The following GRHL3 variants were observed in gnomAD, a reference collection of about 807,000 sequenced individuals.
GRHL3 encodes the protein grainyhead-like protein 3 homolog.
In GRHL3, 20 loss-of-function variants were observed where a neutral mutation model predicts 70.3. The ratio of observed to expected loss-of-function variants is 0.28; its 90% CI spans 0.20 to 0.41. The LOEUF (loss-of-function observed/expected upper bound fraction) is 0.41, where lower values mean the gene tolerates loss of function less well. Ranked by LOEUF, GRHL3 falls within the 10% of genes least tolerant of loss-of-function variation. The pLI, the probability that GRHL3 is intolerant of heterozygous loss-of-function variation, is 1.00. For missense variants in GRHL3, 637 were observed against 762.3 expected, an observed-to-expected ratio of 0.84 and a Z score of 1.94; for synonymous variants, 299 against 299.9, an observed-to-expected ratio of 1.00 and a Z score of 0.03.
rs143616544 is a variant in GRHL3, at chr1:24,344,600, G to A, written c.1420-297G>A. Among the ~76,000 whole-genome samples the A allele has an allele frequency of 3.0e-3, 460 of 151,924 alleles. 1 individual carries two copies. Among genetic ancestry groups the A allele is most frequent in the African/African-American group, 0.01 (428 of 41,396 alleles). On this transcript the variant is annotated intron_variant, in intron 11 of 15. Coordinates refer to ENST00000361548, the MANE Select transcript of GRHL3 (RefSeq NM_198173.3). The stretch of plus-strand genomic sequence containing the variant: ...CCATCTGCAATTCCCAGCCCTTCTG[G>A]GCATGCTGGGGCCCAGGTGGGGCTC...
In GRHL3 at chr1:24,340,270, G is replaced by A. The variant is rs542420737; in HGVS notation, c.1047+508G>A. Among the ~76,000 whole-genome samples, 20 of 152,252 alleles carry A rather than the reference G, an allele frequency of 1.3e-4. No homozygotes were observed. In the South Asian group the frequency reaches 3.1e-3, roughly 24 times the overall value. Reference sequence around the variant, plus strand: ...ATGCAGGAGAAATGCGAAGGAGTCCGGTGAATGAGGGCTCGAATCCCAGTT... The same window carrying A: ...ATGCAGGAGAAATGCGAAGGAGTCCAGTGAATGAGGGCTCGAATCCCAGTT... On this transcript the variant is annotated intron_variant, in intron 8 of 15. Coordinates refer to ENST00000361548, the MANE Select transcript of GRHL3 (RefSeq NM_198173.3).
chr1:24,351,692 C>A (rs936035459), intron 15 of GRHL3, among the ~76,000 whole-genome samples: 2 of 152,082 alleles, frequency 1.3e-5, no homozygotes, highest in African/African-American at 4.8e-5. Context: ...GGTGTGTGTA[C>A]AAGGATGTTC....
downstream of GRHL3, among the ~76,000 whole-genome samples, chr1:24,356,349 T>C (rs996086316): frequency 6.6e-6 from 1 of 150,632 alleles, no homozygotes; most frequent in Non-Finnish European, 1.5e-5. Context: ...TTCACGCCAT[T>C]CTGCCTCAGC....
At chr1:24,355,375 T>C (rs1277137542), downstream of GRHL3, 4 of 152,508 alleles carry the variant, frequency 2.6e-5, no homozygotes, top group Non-Finnish European at 2.9e-5. Context: ...GATGGCTACA[T>C]TGGTCGGGGC....
intron 8 of GRHL3, among the ~76,000 whole-genome samples, chr1:24,340,770 G>GAGC (rs1012062166): frequency 6.6e-6 from 1 of 152,182 alleles, no homozygotes; most frequent in Non-Finnish European, 1.5e-5. Context: ...AACACAAAGG[G>GAGC]AGCACAAAGG....
At chr1:24,349,008 C>T (rs1640399353) in intron 14 of GRHL3, among the ~76,000 whole-genome samples, 1 of 152,242 alleles carries the variant, frequency 6.6e-6, no homozygotes, top group Non-Finnish European at 1.5e-5. Flanking sequence ...GCCCTTTACA[C>T]AATCGTCTCA....
rs939598160 is a variant in GRHL3, at chr1:24,336,627, G to C, written c.412G>C (p.Ala138Pro). Residue 138 changes from alanine (A) to proline (P), a missense_variant, in exon 4 of 16, where the codon GCC (alanine) becomes CCC (proline). By Grantham distance (27) the Ala-to-Pro change is conservative. This residue lies in a region of GRHL3 where 250 missense variants were observed against 248.6 expected (regional missense o/e 1.01). Transcript: ENST00000361548. ...KKNNLMSLEG[A>P]LPTPGKAAPL... ...GAATAACCTGATGAGCTTGGAGGGGGCCTTGCCCACCCCTGGCAAGGCAGC... is the reference window on the plus strand; with the variant it reads ...GAATAACCTGATGAGCTTGGAGGGGCCCTTGCCCACCCCTGGCAAGGCAGC... 2 of 1,614,124 alleles carry C rather than the reference G, an allele frequency of 1.2e-6. No individual in the cohort carries two copies. The highest frequency in any genetic ancestry group is 1.6e-4 in the Middle Eastern group (1 of 6,062).
Position 24,342,157 on chromosome 1 carries a change from C to A in GRHL3, c.1090C>A (p.Gln364Lys), listed in dbSNP as rs756497305. The A allele has an allele frequency of 2.7e-5, 43 of 1,610,510 alleles. 1 individual carries two copies. In the South Asian group the frequency reaches 4.8e-4, roughly 18 times the overall value. Residue 364 changes from glutamine to lysine, a missense_variant, in exon 9 of 16, where the codon CAA becomes AAA. Gln to Lys is a moderately conservative substitution (Grantham distance 53). Coordinates refer to ENST00000361548, the MANE Select transcript of GRHL3 (RefSeq NM_198173.3). This position sits in a 1 kb window ranked among gnomAD's most constrained non-coding sequence, Gnocchi z 4.8. ...CTGTCTGAGCACAGACTTTTCCTCA[C>A]AAAAGGGGGTGAAGGGTGTCCCCCT... is the stretch of plus-strand genomic sequence containing the variant. ...VNCLSTDFSS[Q>K]KGVKGVPLNL... is the part of the protein sequence containing the mutation.
intron 8 of GRHL3, among the ~76,000 whole-genome samples, chr1:24,341,212 C>T (rs35628511): frequency 0.27 from 41,408 of 151,854 alleles, 6,348 homozygotes; most frequent in East Asian, 0.45. Flanking sequence ...TGACCCCAGG[C>T]GACCATCAGT....
chr1:24,353,494 G>A (rs564899945), intron 15 of GRHL3, among the ~76,000 whole-genome samples: 2 of 150,894 alleles, frequency 1.3e-5, no homozygotes, highest in South Asian at 4.2e-4. Context: ...GGTAGATGGG[G>A]GTGTGTATGG....
At chr1:24,358,618 A>G, downstream of GRHL3, 1 of 1,612,592 alleles carries the variant, frequency 6.2e-7, no homozygotes, top group Non-Finnish European at 8.5e-7. Flanking sequence ...GCTTGTACGT[A>G]GCTGTGAGGG....
chr1:24,336,016 C>T (rs6659209), intron 3 of GRHL3, among the ~76,000 whole-genome samples: 30,830 of 152,160 alleles, frequency 0.2, 4,383 homozygotes, highest in African/African-American at 0.41. Context: ...ACCCCTCTCC[C>T]GCTTAACAGT....
At chr1:24,343,068 T>C in intron 11 of GRHL3, 43 bp downstream of exon 11, 1 of 1,612,504 alleles carries the variant, frequency 6.2e-7, no homozygotes, top group South Asian at 1.1e-5. Flanking sequence ...CGAGAGAGGG[T>C]CCTGGCTCCT....
At chr1:24,319,948 C>T (rs921061430) in intron 1 of GRHL3, 22 of 327,594 alleles carry the variant, frequency 6.7e-5, no homozygotes, top group Non-Finnish European at 8.9e-5. Flanking sequence ...TAAGGTAGTT[C>T]TAAGAGCTGT....
chr1:24,342,663 CT>C lies in GRHL3; in HGVS notation c.1207-29del. On this transcript the variant is annotated intron_variant, in intron 9 of 15. Coordinates refer to ENST00000361548, the MANE Select transcript of GRHL3 (RefSeq NM_198173.3). The surrounding 1 kb of genome is among the most constrained non-coding windows in gnomAD (Gnocchi z 4.8). ...GAAAGTAGCTAGCCCCTCCCAGGCC[CT>C]TGGTGACCCTCTCTCCTTCTCCCCT... is the stretch of plus-strand genomic sequence containing the variant. 1 of 1,604,262 alleles carries C rather than the reference CT, an allele frequency of 6.2e-7. No individual in the cohort carries two copies. Among genetic ancestry groups the C allele is most frequent in the Non-Finnish European group, 8.5e-7 (1 of 1,170,996 alleles).
In GRHL3 at chr1:24,364,326, C is replaced by A. The variant is rs1218971934; in HGVS notation, c.1836C>A (p.Ser612Arg). The stretch of plus-strand genomic sequence containing the variant: ...AGAGGGACCTGGATTCAAATCCCAG[C>A]CCCACCACCGTCAACAGCCTGCACT... Residue 612 changes from serine to arginine, a missense_variant, in exon 16 of 16, where the codon AGC (serine) becomes AGA (arginine). By Grantham distance (110) the Ser-to-Arg change is moderately radical. Transcript: ENST00000350501. The A allele has an allele frequency of 2.6e-6, 4 of 1,549,416 alleles. No homozygotes were observed. The South Asian group carries it at 4.8e-5, about 19-fold the overall frequency.
rs1557697193 is a variant in GRHL3 at position 24,337,104 on chromosome 1, A to G, written c.639A>G (p.Lys213=). ...CGATGCTCTTCCCAGATATCCTGAAAACCTCCCCGGAACCCCCATGTCCAG... is the reference window on the plus strand; with the variant it reads ...CGATGCTCTTCCCAGATATCCTGAAGACCTCCCCGGAACCCCCATGTCCAG... ...QESMLFPDIL[K]TSPEPPCPED... The change falls in exon 5 of 16, where the codon AAA becomes AAG. Residue 213 remains lysine, a synonymous_variant. Transcript: ENST00000361548. 2 of 1,613,996 alleles carry G rather than the reference A, an allele frequency of 1.2e-6. No homozygotes were observed. Among genetic ancestry groups the G allele is most frequent in the Admixed American group, 1.7e-5 (1 of 60,012 alleles).
chr1:24,334,041 C>T lies in GRHL3; in HGVS notation c.205-604C>T, dbSNP rs7523012. ...TTTCAAGTGGCATTTCTAGGACTTA[C>T]GCCAGGCCTGCCTGACTCCAAATTT... On this transcript the variant is annotated intron_variant, in intron 2 of 15. Coordinates refer to ENST00000361548, the MANE Select transcript of GRHL3 (RefSeq NM_198173.3). This position sits in a 1 kb window ranked among gnomAD's most constrained non-coding sequence, Gnocchi z 4.3. Among the ~76,000 whole-genome samples, 3,408 of 152,264 alleles carry T rather than the reference C, an allele frequency of 0.022. 130 individuals are homozygous for T. The highest frequency in any genetic ancestry group is 0.078 in the African/African-American group (3,225 of 41,524).
At chr1:24,323,464 A>G (rs1202455004) in intron 1 of GRHL3, among the ~76,000 whole-genome samples, 1 of 152,152 alleles carries the variant, frequency 6.6e-6, no homozygotes, top group Non-Finnish European at 1.5e-5. Context: ...CAAATCCACT[A>G]CTGACCTGCA....
Sources: allele counts gnomAD v4.1 joint callset (sites outside exome capture counted in the v4.1 genomes callset), GRCh38; gene constraint gnomAD v4.1.1; regional missense constraint gnomAD v4.1.1; non-coding constraint Gnocchi (gnomAD v3.1); transcripts MANE v1.5; gene names NCBI Gene and HGNC (gene_info 2026-07-23, HGNC 2026-07-21).